Variants in TENM4 observed in about 807,000 individuals in gnomAD.
TENM4 encodes teneurin-4.
TENM4 carries 82 observed loss-of-function variants against 243.3 expected under a neutral mutation model. The observed-to-expected ratio is 0.34, with a 90% CI of 0.28 to 0.40. The LOEUF (loss-of-function observed/expected upper bound fraction) is 0.40. Ranked by LOEUF, TENM4 falls within the 10% of genes least tolerant of loss-of-function variation. The pLI is 1.00. For missense variants in TENM4, 3,138 were observed against 3,673.3 expected (o/e 0.85, Z 3.77); for synonymous variants, 1,412 against 1,456.3 (o/e 0.97, Z 0.69).
At chr11:78,872,379 T>C (rs903002290) in intron 9 of TENM4, among the ~76,000 whole-genome samples, 2 of 152,212 alleles carry the variant, frequency 1.3e-5, no homozygotes, top group East Asian at 1.9e-4. Context: ...CAGTGATCAC[T>C]GAACCCAAAG....
intron 3 of TENM4, among the ~76,000 whole-genome samples, chr11:79,187,502 A>G (rs1255533450): frequency 6.6e-6 from 1 of 152,160 alleles, no homozygotes; most frequent in African/African-American, 2.4e-5. Flanking sequence ...ATAGTGTTCA[A>G]TGGATAGGCT....
chr11:78,669,370 G>A lies in TENM4; in HGVS notation c.6975C>T (p.His2325=). 1 of 1,613,816 alleles carries A rather than the reference G, an allele frequency of 6.2e-7. No homozygotes were observed. Among genetic ancestry groups the A allele is most frequent in the Non-Finnish European group, 8.5e-7 (1 of 1,179,772 alleles). The change falls in exon 32 of 34, where the codon CAC becomes CAT. Residue 2325 remains histidine (H), a synonymous_variant. Transcript: ENST00000278550. The surrounding 1 kb of genome is among the most constrained non-coding windows in gnomAD (Gnocchi z 6.4). The part of the protein sequence containing the change: ...ADLTNPTKVT[H]LYNHSSSEIT... ...TCTCAGAGCTGGAGTGGTTGTACAG[G>A]TGGGTGACCTTGGTGGGGTTGGTCA...
At position 79,423,577 on chromosome 11, in the gene TENM4, T is replaced by C. The variant is rs567544169; in HGVS notation, c.-321+16932A>G. Reference sequence around the variant, plus strand: ...TTTTTTTGCAAGGAAACTGCATGGGTACAAATTTCCAATTCATACTTAACA... The same window carrying C: ...TTTTTTTGCAAGGAAACTGCATGGGCACAAATTTCCAATTCATACTTAACA... On this transcript the variant is annotated intron_variant, in intron 1 of 33. Coordinates refer to ENST00000278550, the MANE Select transcript of TENM4 (RefSeq NM_001098816.3). Among the ~76,000 whole-genome samples the C allele has an allele frequency of 1.2e-4, 15 of 129,396 alleles. No homozygotes were observed. In the East Asian group the frequency reaches 3.5e-3, roughly 30 times the overall value. 84.9% of individuals were successfully genotyped at this position (129,396 alleles called of 152,430 possible).
chr11:78,805,283 T>TCCACACCCCACCCC lies in TENM4; in HGVS notation c.2179+8_2179+9insGGGGTGGGGTGTGG. 1 of 233,424 alleles carries TCCACACCCCACCCC rather than the reference T, an allele frequency of 4.3e-6. No individual in the cohort carries two copies. Among genetic ancestry groups the TCCACACCCCACCCC allele is most frequent in the Non-Finnish European group, 5.8e-6 (1 of 173,882 alleles). 14.5% of individuals were successfully genotyped at this position (233,424 alleles called of 1,614,324 possible). The stretch of plus-strand genomic sequence containing the variant: ...CCTCTACCCATGCTTCTTCTCCCCC[T>TCCACACCCCACCCC]GCATTTACCGATAGAACAGTCGTGT... On this transcript the variant is annotated intron_variant, in intron 15 of 33. Coordinates refer to ENST00000278550, the MANE Select transcript of TENM4 (RefSeq NM_001098816.3).
At chr11:79,393,526 C>T (rs1858279162) in intron 1 of TENM4, among the ~76,000 whole-genome samples, 1 of 152,230 alleles carries the variant, frequency 6.6e-6, no homozygotes, top group African/African-American at 2.4e-5. Context: ...CTGTTTCCCA[C>T]TTCTGAAGTC....
At chr11:78,848,873 A>G (rs1019535808) in intron 12 of TENM4, among the ~76,000 whole-genome samples, 6 of 151,712 alleles carry the variant, frequency 4.0e-5, no homozygotes, top group Non-Finnish European at 8.8e-5. Flanking sequence ...GAAAGAAACT[A>G]AATCTGTTTC....
chr11:78,812,796 C>T (rs1857526461), intron 13 of TENM4, among the ~76,000 whole-genome samples: 1 of 152,192 alleles, frequency 6.6e-6, no homozygotes, highest in Admixed American at 6.5e-5. Context: ...CCTTTCAGTC[C>T]TCCACTCCAG....
intron 4 of TENM4, among the ~76,000 whole-genome samples, chr11:79,074,923 C>G (rs1002971025): frequency 1.3e-5 from 2 of 152,178 alleles, no homozygotes; most frequent in Admixed American, 1.3e-4. Flanking sequence ...TGCTACAGCC[C>G]AGGCGTCTCA....
In TENM4 at chr11:79,194,583, CAT is replaced by C. The variant is rs1429860436; in HGVS notation, c.-163+21223_-163+21224del. Reference sequence around the variant, plus strand: ...TATGTTTTGGCAAAGACACTGGAATCATATTGCCCCTGCCCTAGAGATTTGTG... The same window carrying C: ...TATGTTTTGGCAAAGACACTGGAATCATTGCCCCTGCCCTAGAGATTTGTG... On this transcript the variant is annotated intron_variant, in intron 3 of 33. Transcript: ENST00000278550. Among the ~76,000 whole-genome samples, 3 of 152,148 alleles carry C rather than the reference CAT, an allele frequency of 2.0e-5. No individual in the cohort carries two copies. The East Asian group carries it at 5.8e-4, about 29-fold the overall frequency.
At chr11:79,232,184 A>T (rs868639929) in intron 2 of TENM4, among the ~76,000 whole-genome samples, 3 of 152,388 alleles carry the variant, frequency 2.0e-5, no homozygotes, top group Non-Finnish European at 2.9e-5. Context: ...TCATAGAGCC[A>T]AGGGTTCCAA....
intron 2 of TENM4, among the ~76,000 whole-genome samples, chr11:79,241,661 C>T (rs1031406248): frequency 5.3e-5 from 8 of 152,136 alleles, no homozygotes; most frequent in South Asian, 2.1e-4. Flanking sequence ...TGTCACTACA[C>T]GCAGCATGCA....
intron 27 of TENM4, among the ~76,000 whole-genome samples, chr11:78,703,193 T>C (rs866983618): frequency 6.6e-6 from 1 of 152,212 alleles, no homozygotes; most frequent in Non-Finnish European, 1.5e-5. Context: ...TGAGTGATCC[T>C]GATGTGGGCT....
At chr11:78,921,687 G>A (rs1282964717) in intron 6 of TENM4, among the ~76,000 whole-genome samples, 1 of 152,176 alleles carries the variant, frequency 6.6e-6, no homozygotes, top group East Asian at 1.9e-4. Context: ...TGTCAGTCCT[G>A]GGCAGCCTGG....
intron 6 of TENM4, among the ~76,000 whole-genome samples, chr11:78,994,190 C>T (rs1427875389): frequency 5.3e-5 from 8 of 152,296 alleles, no homozygotes; most frequent in East Asian, 3.9e-4. Context: ...GTAGTTGGAA[C>T]GGAAACATCT....
intron 3 of TENM4, among the ~76,000 whole-genome samples, chr11:79,155,766 C>A (rs1412237199): frequency 6.7e-6 from 1 of 150,042 alleles, no homozygotes; most frequent in African/African-American, 2.5e-5. Context: ...TCCCTGCCTC[C>A]TTTCTCTTCT....
intron 1 of TENM4, among the ~76,000 whole-genome samples, chr11:79,327,256 A>T (rs1183444403): frequency 6.6e-6 from 1 of 152,256 alleles, no homozygotes. Flanking sequence ...AAACACTATA[A>T]TTGAGACAGT....
chr11:79,265,519 T>C (rs58993868), intron 2 of TENM4, among the ~76,000 whole-genome samples: 1 of 136,178 alleles, frequency 7.3e-6, no homozygotes, highest in Non-Finnish European at 1.6e-5. Context: ...TTGTGTTACA[T>C]GTATGATTAA....
At chr11:79,181,986 G>A (rs1311745597) in intron 3 of TENM4, among the ~76,000 whole-genome samples, 1 of 150,916 alleles carries the variant, frequency 6.6e-6, no homozygotes, top group Non-Finnish European at 1.5e-5. Flanking sequence ...TTATAAACAG[G>A]AAGACTCAAA....
At position 78,862,966 on chromosome 11, in the gene TENM4, T is replaced by A; in HGVS notation, c.1251A>T (p.Thr417=). ...CGGACAACGCAGCAACCCTACCTTC[T>A]GTGGTTCCTTTGCCTTTCCTGTCAG... ...ETPDRKGKGT[T]EGKPSSFFPE... The change falls in exon 10 of 34, where the codon ACA becomes ACT. Residue 417 remains threonine (T), a synonymous_variant. Coordinates refer to ENST00000278550, the MANE Select transcript of TENM4 (RefSeq NM_001098816.3). 1 of 1,461,268 alleles carries A rather than the reference T, an allele frequency of 6.8e-7. No individual in the cohort carries two copies. The highest frequency in any genetic ancestry group is 2.2e-5 in the Admixed American group (1 of 45,636). The allele number at this position is 1,461,268 out of a possible 1,614,324, so 90.5% of individuals were successfully genotyped here.
Sources: gnomAD v4.1 joint callset for allele counts (sites outside exome capture counted in the v4.1 genomes callset) on GRCh38, gnomAD v4.1.1 for gene constraint, Gnocchi (gnomAD v3.1) non-coding constraint, MANE v1.5 for transcripts, NCBI Gene and HGNC (gene_info 2026-07-23, HGNC 2026-07-21) for gene names.